The following TMEM205 variants were observed in gnomAD, a reference collection of about 807,000 sequenced individuals.
TMEM205 encodes MBC3205.
TMEM205 carries 11 observed loss-of-function variants against 17.9 expected under a neutral mutation model. That is an observed-to-expected ratio of 0.61 (90% confidence interval 0.39 to 1.02). TMEM205 has a LOEUF of 1.02. Among genes scored for constraint, TMEM205 ranks in the 50% least tolerant of loss-of-function variants. TMEM205 has a pLI of 0.01. For synonymous variants in TMEM205, 86 were observed against 97.4 expected (o/e 0.88, Z 0.69); for missense variants, 236 against 239.4 (o/e 0.99, Z 0.09).
chr19:11,343,888 C>T (rs1967037406), intron 2 of TMEM205, among the ~76,000 whole-genome samples: 1 of 151,608 alleles, frequency 6.6e-6, no homozygotes, highest in Non-Finnish European at 1.5e-5. Flanking sequence ...GGGAGCATCA[C>T]TTGAAGCCAG....
chr19:11,345,239 C>A lies in TMEM205; in HGVS notation c.264+13G>T. 6.2e-7 allele frequency: 1 copy of A among 1,613,688 alleles called. No individual in the cohort carries two copies. Among genetic ancestry groups the A allele is most frequent in the South Asian group, 1.1e-5 (1 of 91,014 alleles). On this transcript the variant is annotated intron_variant, in intron 2 of 2. Transcript: ENST00000354882. ...CAAGTCTCCAGAGGGCAGTGGCACT[C>A]AAACCCACGTACCTGGCTGGCCTCC...
At chr19:11,344,989 G>A (rs1175805835) in intron 2 of TMEM205, among the ~76,000 whole-genome samples, 1 of 151,792 alleles carries the variant, frequency 6.6e-6, no homozygotes, top group East Asian at 1.9e-4. Context: ...CTGAGTAGCT[G>A]GAATTACAGG....
chr19:11,345,185 G>A (rs1301707705), intron 2 of TMEM205, 67 bp downstream of exon 2: 1 of 1,548,116 alleles, frequency 6.5e-7, no homozygotes, highest in Non-Finnish European at 8.8e-7. Context: ...AAAAGGTGTA[G>A]CCATAGGCGC....
rs1967148556 is a variant in TMEM205 at position 11,345,342 on chromosome 19, G to A, written c.174C>T (p.Phe58=). The change falls in exon 2 of 3, where the codon TTC becomes TTT. Residue 58 remains phenylalanine (F), a synonymous_variant. Transcript: ENST00000354882. ...TGAAGGCACAGCCCATGGAGATGTG[G>A]AAGTAGAAGGGGAAGAGTTTGCTCT... ...LVQSKLFPFY[F]HISMGCAFIN... The A allele has an allele frequency of 6.2e-7, 1 of 1,614,210 alleles. No homozygotes were observed. Among genetic ancestry groups the A allele is most frequent in the Non-Finnish European group, 8.5e-7 (1 of 1,180,034 alleles).
intron 2 of TMEM205, 166 bp downstream of exon 2, chr19:11,345,086 G>C: frequency 1.6e-6 from 1 of 644,364 alleles, no homozygotes; most frequent in South Asian, 1.9e-5. Context: ...TTGAACTCCT[G>C]ACCTCGTGAT....
At position 11,345,478 on chromosome 19, in the gene TMEM205, C is replaced by T. The variant is rs1967163376; in HGVS notation, c.100+42G>A. ...TCCCGGTTCCCCTCTTATTTCCATCCCCACCCCAGGTACCCATGACATCCA... is the reference window on the plus strand; with the variant it reads ...TCCCGGTTCCCCTCTTATTTCCATCTCCACCCCAGGTACCCATGACATCCA... On this transcript the variant is annotated intron_variant, in intron 1 of 2. Transcript: ENST00000354882. The T allele has an allele frequency of 2.5e-6, 4 of 1,613,934 alleles. No individual in the cohort carries two copies. The African/African-American group carries it at 5.3e-5, about 22-fold the overall frequency.
chr19:11,343,709 C>T (rs1311687838), intron 2 of TMEM205, among the ~76,000 whole-genome samples: 1 of 152,112 alleles, frequency 6.6e-6, no homozygotes, highest in South Asian at 2.1e-4. Context: ...TGCTTGAACC[C>T]GGGAAGGAGA....
Position 11,343,070 on chromosome 19 carries a change from C to A in TMEM205, c.315G>T (p.Trp105Cys), listed in dbSNP as rs764574660. ...TGGCAGCTGTGGTGCGGGGTTCCAG[C>A]CAGCGGGCGTTGACAGTGGCCAGCG... ...SLTLATVNAR[W>C]LEPRTTAAMW... Residue 105 changes from tryptophan (W) to cysteine (C), a missense_variant, in exon 3 of 3, where the codon TGG (tryptophan) becomes TGT (cysteine). Physicochemically the swap from Trp to Cys is radical, Grantham distance 215 (BLOSUM62 -2). Transcript: ENST00000354882. The A allele has an allele frequency of 6.2e-6, 10 of 1,613,848 alleles. No homozygotes were observed. Among genetic ancestry groups the A allele is most frequent in the Non-Finnish European group, 8.5e-6 (10 of 1,180,024 alleles).
At chr19:11,344,418 GATT>G in intron 2 of TMEM205, among the ~76,000 whole-genome samples, 1 of 152,224 alleles carries the variant, frequency 6.6e-6, no homozygotes, top group African/African-American at 2.4e-5. Flanking sequence ...CTGTCTGTGA[GATT>G]ATTCTTGAAA....
chr19:11,344,006 G>A (rs1305296096), intron 2 of TMEM205, among the ~76,000 whole-genome samples: 1 of 147,866 alleles, frequency 6.8e-6, no homozygotes, highest in Non-Finnish European at 1.5e-5. Context: ...GTGCAATGGC[G>A]TGACCTTGGC....
chr19:11,344,735 C>T (rs550147608), intron 2 of TMEM205: 1 of 154,820 alleles, frequency 6.5e-6, no homozygotes, highest in South Asian at 1.8e-4. Context: ...GACTGTTGTA[C>T]AGGCTGTGCA....
Position 11,343,084 on chromosome 19 carries a change from C to G in TMEM205, c.301G>C (p.Val101Leu), listed in dbSNP as rs1313111010. 1 of 1,613,492 alleles carries G rather than the reference C, an allele frequency of 6.2e-7. No individual in the cohort carries two copies. The highest frequency in any genetic ancestry group is 1.1e-5 in the South Asian group (1 of 91,048). Residue 101 changes from valine (V) to leucine (L), a missense_variant, in exon 3 of 3, where the codon GTC becomes CTC. Coordinates refer to ENST00000354882, the MANE Select transcript of TMEM205 (RefSeq NM_198536.3). ...CGGGGTTCCAGCCAGCGGGCGTTGA[C>G]AGTGGCCAGCGTAAGGCTCAGGAAC... Reference protein sequence around the residue: ...LLFLSLTLATVNARWLEPRTT... With the variant: ...LLFLSLTLATLNARWLEPRTT...
At chr19:11,343,700 G>C (rs529312659) in intron 2 of TMEM205, among the ~76,000 whole-genome samples, 12 of 152,270 alleles carry the variant, frequency 7.9e-5, no homozygotes, top group African/African-American at 2.9e-4. Context: ...CATGAGGATT[G>C]CTTGAACCCG....
At chr19:11,345,495 T>C (rs748526032) in intron 1 of TMEM205, 25 bp downstream of exon 1, 17 of 1,614,038 alleles carry the variant, frequency 1.1e-5, no homozygotes, top group Non-Finnish European at 1.4e-5. Flanking sequence ...CAGGTACCCA[T>C]GACATCCAAG....
At chr19:11,346,400 CG>C, upstream of TMEM205, 1 of 627,932 alleles carries the variant, frequency 1.6e-6, no homozygotes. Flanking sequence ...GCCCCCTCCA[CG>C]GGCTTTTATC....
rs1013761680 is a variant in TMEM205 at position 11,346,236 on chromosome 19, G to A, written c.-617C>T. On this transcript the variant is annotated 5_prime_UTR_variant, in exon 1 of 3. Transcript: ENST00000354882. ...ACTCCCACGCCCCCGGGTGGACAGC[G>A]ACCCTCCTCGGCCGCGTCCCCTCGT... is the stretch of plus-strand genomic sequence containing the variant. 12 of 328,014 alleles carry A rather than the reference G, an allele frequency of 3.7e-5. No individual in the cohort carries two copies. Among genetic ancestry groups the A allele is most frequent in the Non-Finnish European group, 5.7e-5 (10 of 176,596 alleles). 20.3% of individuals were successfully genotyped at this position (328,014 alleles called of 1,614,324 possible).
chr19:11,346,348 C>G (rs1967230994), upstream of TMEM205: 1 of 566,124 alleles, frequency 1.8e-6, no homozygotes, highest in African/African-American at 1.9e-5. Context: ...CTATCCCGCC[C>G]TCCTGGGTAT....
rs752157624 is a variant in TMEM205, at chr19:11,342,783, G to A, written c.*32C>T. The A allele has an allele frequency of 1.3e-5, 20 of 1,573,338 alleles. 1 individual carries two copies. The South Asian group carries it at 2.4e-4, about 19-fold the overall frequency. On this transcript the variant is annotated 3_prime_UTR_variant, in exon 3 of 3. Transcript: ENST00000354882. ...AAAAAAAAAGACAGCAGCCATTTCT[G>A]AAGAAGCATTTATTAGCATGCAGGG...
At chr19:11,344,253 A>T (rs1416322185) in intron 2 of TMEM205, among the ~76,000 whole-genome samples, 1 of 151,828 alleles carries the variant, frequency 6.6e-6, no homozygotes, top group Admixed American at 6.6e-5. Context: ...TATTTTTTTT[A>T]ATTAGGAAAA....
Sources: allele counts gnomAD v4.1 joint callset (sites outside exome capture counted in the v4.1 genomes callset), GRCh38; gene constraint gnomAD v4.1.1; transcripts MANE v1.5; gene names NCBI Gene and HGNC (gene_info 2026-07-23, HGNC 2026-07-21).